The following CSRP2 variants were observed in gnomAD, a reference collection of about 807,000 sequenced individuals.
CSRP2 encodes the protein cysteine and glycine-rich protein 2.
A neutral mutation model predicts 24.6 loss-of-function variants in CSRP2; 18 were observed. The observed-to-expected ratio is 0.73, with a 90% CI of 0.51 to 1.09. The LOEUF (loss-of-function observed/expected upper bound fraction) is 1.09. CSRP2 is among the 50% of genes least tolerant of loss of function. The probability of loss-of-function intolerance (pLI) is 0.00; values close to 1 mark genes in which losing one functional copy is unlikely to be tolerated. For missense variants in CSRP2, 215 were observed against 239.4 expected, an observed-to-expected ratio of 0.90 and a Z score of 0.67; for synonymous variants, 87 against 84.3, an observed-to-expected ratio of 1.03 and a Z score of -0.18.
At chr12:76,874,189 T>C (rs1384934704) in intron 1 of CSRP2, among the ~76,000 whole-genome samples, 1 of 152,242 alleles carries the variant, frequency 6.6e-6, no homozygotes, top group African/African-American at 2.4e-5. Flanking sequence ...AGTGGATTCC[T>C]GGAACTACGT....
chr12:76,877,711 C>G (rs1219402533), intron 1 of CSRP2, among the ~76,000 whole-genome samples: 1 of 152,200 alleles, frequency 6.6e-6, no homozygotes, highest in Admixed American at 6.5e-5. Flanking sequence ...GGGGAGACCA[C>G]TTAGTACTTC....
intron 1 of CSRP2, among the ~76,000 whole-genome samples, chr12:76,870,037 G>A (rs1432265737): frequency 6.6e-6 from 1 of 152,154 alleles, no homozygotes; most frequent in Non-Finnish European, 1.5e-5. Context: ...AGGCCTCCAG[G>A]TAATGACACT....
At chr12:76,878,589 G>C (rs1212924544) in intron 1 of CSRP2, among the ~76,000 whole-genome samples, 1 of 152,240 alleles carries the variant, frequency 6.6e-6, no homozygotes, top group Non-Finnish European at 1.5e-5. Flanking sequence ...AGGCGGATTA[G>C]CAGAAACGCG....
At position 76,860,382 on chromosome 12, in the gene CSRP2, T is replaced by A; in HGVS notation, c.313A>T (p.Asn105Tyr). 1 of 1,614,060 alleles carries A rather than the reference T, an allele frequency of 6.2e-7. No homozygotes were observed. The highest frequency in any genetic ancestry group is 8.5e-7 in the Non-Finnish European group (1 of 1,179,956). The change falls in exon 4 of 6, where the codon AAC becomes TAC. Residue 105 changes from asparagine to tyrosine, a missense_variant. By Grantham distance (143) the Asn-to-Tyr change is moderately radical. Transcript: ENST00000311083. The stretch of plus-strand genomic sequence containing the variant: ...TATTTCTGAGCAAATTTAGAAGTGT[T>A]TGGATTTGTTGTAGGCCTGTGAGGC... Reference protein sequence around the residue: ...VQPHRPTTNPNTSKFAQKYGG... With the variant: ...VQPHRPTTNPYTSKFAQKYGG...
intron 2 of CSRP2, chr12:76,864,517 T>G (rs530597216): frequency 1.3e-4 from 20 of 152,238 alleles, no homozygotes; most frequent in African/African-American, 4.3e-4. Flanking sequence ...CTTGAGGTAA[T>G]GGATACCCCA....
intron 1 of CSRP2, among the ~76,000 whole-genome samples, chr12:76,870,083 G>A (rs897314027): frequency 6.6e-6 from 1 of 152,190 alleles, no homozygotes; most frequent in Admixed American, 6.5e-5. Context: ...TTATCAACTG[G>A]TTCTTAAAAT....
chr12:76,871,259 C>G (rs2137834248), intron 1 of CSRP2, among the ~76,000 whole-genome samples: 1 of 152,288 alleles, frequency 6.6e-6, no homozygotes, highest in Non-Finnish European at 1.5e-5. Flanking sequence ...CAGTAGCTGT[C>G]AGCTTGAAGA....
intron 1 of CSRP2, among the ~76,000 whole-genome samples, chr12:76,877,360 C>A (rs1010033822): frequency 2.6e-4 from 40 of 152,222 alleles, no homozygotes; most frequent in South Asian, 4.1e-4. Context: ...TAGCCTATAC[C>A]AGTATCAATC....
intron 2 of CSRP2, 33 bp from the exon 3 acceptor site, chr12:76,863,377 T>C: frequency 6.2e-7 from 1 of 1,606,720 alleles, no homozygotes; most frequent in Non-Finnish European, 8.5e-7. Context: ...TTACACATGT[T>C]CCAAAGATGC....
At position 76,862,805 on chromosome 12, in the gene CSRP2, C is replaced by CTT. The variant is rs1407617105; in HGVS notation, c.281+369_281+370dup. 6.9e-6 allele frequency: 10 copies of CTT among 1,455,952 alleles called. No individual in the cohort carries two copies. The African/African-American group carries it at 1.3e-4, about 19-fold the overall frequency. 90.2% of individuals were successfully genotyped at this position (1,455,952 alleles called of 1,614,324 possible). A position where few individuals can be genotyped will look rare whatever the true frequency, so the allele number is the denominator to read the frequency against. The stretch of plus-strand genomic sequence containing the variant: ...GTGACTTAGGAATTTTCATTGGCTG[C>CTT]TTACATTGCACATGAGAAACACCTC... On this transcript the variant is annotated intron_variant, in intron 3 of 5. Transcript: ENST00000311083.
In CSRP2 at chr12:76,863,196, C is replaced by T; in HGVS notation, c.261G>A (p.Arg87=). The T allele has an allele frequency of 1.2e-6, 2 of 1,613,502 alleles. No homozygotes were observed. The highest frequency in any genetic ancestry group is 1.7e-6 in the Non-Finnish European group (2 of 1,179,544). The change falls in exon 3 of 6, where the codon AGG becomes AGA. Residue 87 remains arginine (R), a synonymous_variant. Coordinates refer to ENST00000311083, the MANE Select transcript of CSRP2 (RefSeq NM_001321.3). ...AGTLNMDRGE[R]LGIKPESVQP... ...CTCACCTCTCTGGTTTGATGCCCAGCCTCTCGCCACGGTCCATGTTAAGCG... is the reference window on the plus strand; with the variant it reads ...CTCACCTCTCTGGTTTGATGCCCAGTCTCTCGCCACGGTCCATGTTAAGCG...
intron 2 of CSRP2, chr12:76,865,651 A>G (rs1330099745): frequency 6.5e-6 from 1 of 152,722 alleles, no homozygotes; most frequent in African/African-American, 2.4e-5. Flanking sequence ...ATAATCATTC[A>G]TTAAAGAAAA....
At chr12:76,867,332 TA>T (rs33997080) in intron 1 of CSRP2, among the ~76,000 whole-genome samples, 26,836 of 100,082 alleles carry the variant, frequency 0.27, 3,546 homozygotes, top group Non-Finnish European at 0.32. Flanking sequence ...CTGCTAAATT[TA>T]AAAAAAAAAA....
At chr12:76,877,974 C>A (rs1314237248) in intron 1 of CSRP2, among the ~76,000 whole-genome samples, 9 of 129,670 alleles carry the variant, frequency 6.9e-5, no homozygotes, top group South Asian at 2.9e-4. Context: ...ACCCCCCCAC[C>A]CCCCAAAAAA....
At chr12:76,875,929 T>C (rs142950558) in intron 1 of CSRP2, among the ~76,000 whole-genome samples, 211 of 152,304 alleles carry the variant, frequency 1.4e-3, no homozygotes, top group African/African-American at 4.9e-3. Context: ...CAAAATAAAA[T>C]TATCAATTCA....
Position 76,863,311 on chromosome 12 carries a change from A to G in CSRP2, c.146T>C (p.Val49Ala). Reference protein sequence around the residue: ...VCRKNLDSTTVAIHDEEIYCK... With the variant: ...VCRKNLDSTTAAIHDEEIYCK... ...GTAGATCTCTTCATCGTGAATTGCC[A>G]CTGTTGTGCTATCTAAATTTTTCCT... The change falls in exon 3 of 6, where the codon GTG becomes GCG. Residue 49 changes from valine (V) to alanine (A), a missense_variant. Physicochemically the swap from Val to Ala is moderately conservative, Grantham distance 64 (BLOSUM62 0). Transcript: ENST00000311083. 1 of 1,614,176 alleles carries G rather than the reference A, an allele frequency of 6.2e-7. No individual in the cohort carries two copies. The highest frequency in any genetic ancestry group is 8.5e-7 in the Non-Finnish European group (1 of 1,180,026).
chr12:76,874,386 C>T (rs1000690319), intron 1 of CSRP2, among the ~76,000 whole-genome samples: 1 of 152,170 alleles, frequency 6.6e-6, no homozygotes, highest in Non-Finnish European at 1.5e-5. Flanking sequence ...GCTATGTGAT[C>T]CTGGCCAAAT....
At chr12:76,866,693 CAT>C (rs1465463046) in intron 1 of CSRP2, among the ~76,000 whole-genome samples, 2 of 152,194 alleles carry the variant, frequency 1.3e-5, no homozygotes, top group African/African-American at 2.4e-5. Flanking sequence ...GTTTTCATTA[CAT>C]GTTTAATTAA....
intron 2 of CSRP2, chr12:76,863,583 C>A (rs1337429888): frequency 1.2e-5 from 5 of 403,160 alleles, no homozygotes; most frequent in East Asian, 3.8e-5. Flanking sequence ...CAGAATATAA[C>A]ATCCAGAAGC....
Sources: gnomAD v4.1 joint callset for allele counts (sites outside exome capture counted in the v4.1 genomes callset) on GRCh38, gnomAD v4.1.1 for gene constraint, MANE v1.5 for transcripts, NCBI Gene and HGNC (gene_info 2026-07-23, HGNC 2026-07-21) for gene names.